The following RUNDC3B variants were observed in gnomAD, a reference collection of about 807,000 sequenced individuals.
The protein encoded by RUNDC3B is RUN domain-containing protein 3B.
A neutral mutation model predicts 58.4 loss-of-function variants in RUNDC3B; 33 were observed. That is an observed-to-expected ratio of 0.56 (90% CI 0.43 to 0.75). RUNDC3B has a LOEUF of 0.75. Among genes scored for constraint, RUNDC3B ranks in the 30% least tolerant of loss-of-function variants. The pLI is 0.00. For synonymous variants in RUNDC3B, 193 were observed against 195.2 expected, an observed-to-expected ratio of 0.99 and a Z score of 0.10; for missense variants, 501 against 535.7, an observed-to-expected ratio of 0.94 and a Z score of 0.64.
intron 2 of RUNDC3B, among the ~76,000 whole-genome samples, chr7:87,695,219 G>C (rs542867802): frequency 6.6e-6 from 1 of 152,040 alleles, no homozygotes; most frequent in African/African-American, 2.4e-5. Context: ...GTTAGAAAAT[G>C]GATCAGTGTC....
In RUNDC3B at chr7:87,679,471, C is replaced by A. The variant is rs776954020; in HGVS notation, c.239-20950C>A. Among the ~76,000 whole-genome samples, 7 of 149,906 alleles carry A rather than the reference C, an allele frequency of 4.7e-5. 1 individual carries two copies. Among genetic ancestry groups the A allele is most frequent in the Non-Finnish European group, 1.0e-4 (7 of 67,752 alleles). On this transcript the variant is annotated intron_variant, in intron 2 of 10. Coordinates refer to ENST00000394654, the MANE Select transcript of RUNDC3B (RefSeq NM_001134405.2). ...TGGCACAATCATGGCTCACCACAGC[C>A]TCCACATCCCCAAGCTCAAATGATT... is the stretch of plus-strand genomic sequence containing the variant.
chr7:87,751,129 A>C (rs905628357), intron 6 of RUNDC3B, among the ~76,000 whole-genome samples: 1 of 152,190 alleles, frequency 6.6e-6, no homozygotes, highest in Non-Finnish European at 1.5e-5. Flanking sequence ...CCATTTATTA[A>C]ATAGGGAATC....
Position 87,710,552 on chromosome 7 carries a change from C to A in RUNDC3B, c.373-18C>A. The stretch of plus-strand genomic sequence containing the variant: ...TTTTTAATTTTTTTTATATTTGATT[C>A]TTTCTTCTTCCTTTTAGGGTAGAGC... On this transcript the variant is annotated intron_variant, in intron 3 of 10. Transcript: ENST00000394654. 6.9e-7 allele frequency: 1 copy of A among 1,444,116 alleles called. No homozygotes were observed. Among genetic ancestry groups the A allele is most frequent in the Non-Finnish European group, 9.5e-7 (1 of 1,056,116 alleles). The allele number at this position is 1,444,116 out of a possible 1,614,324, so 89.5% of individuals were successfully genotyped here.
At chr7:87,630,752 GA>G (rs1339523968) in intron 1 of RUNDC3B, among the ~76,000 whole-genome samples, 2 of 149,748 alleles carry the variant, frequency 1.3e-5, no homozygotes, top group East Asian at 3.9e-4. Context: ...TTTATTGAAT[GA>G]ATAATTTCAG....
At chr7:87,749,180 T>G (rs1832817672) in intron 6 of RUNDC3B, among the ~76,000 whole-genome samples, 1 of 152,172 alleles carries the variant, frequency 6.6e-6, no homozygotes, top group Admixed American at 6.5e-5. Context: ...GGAAATGACT[T>G]AAAATACAAA....
rs552900116 is a variant in RUNDC3B at position 87,694,106 on chromosome 7, T to G, written c.239-6315T>G. On this transcript the variant is annotated intron_variant, in intron 2 of 10. Transcript: ENST00000394654. ...TTCTTTTTTGTGTGTTTTTGTTTTT[T>G]TTTTTTAATCCAGAGAGCACAAGTA... The G allele has an allele frequency of 2.9e-5, 42 of 1,451,710 alleles. 1 individual carries two copies. The highest frequency in any genetic ancestry group is 2.4e-4 in the Middle Eastern group (1 of 4,096). The allele number at this position is 1,451,710 out of a possible 1,614,324, so 89.9% of individuals were successfully genotyped here. A position where few individuals can be genotyped will look rare whatever the true frequency, so the allele number is the denominator to read the frequency against.
rs542540555 is a variant in RUNDC3B at position 87,736,804 on chromosome 7, ATATATT to A, written c.459-2975_459-2970del. On this transcript the variant is annotated intron_variant, in intron 4 of 10. Transcript: ENST00000394654. The stretch of plus-strand genomic sequence containing the variant: ...TTATACATATACATATATGTATTAT[ATATATT>A]TATATTTATATATGTTATATATATG... Among the ~76,000 whole-genome samples, 618 of 139,862 alleles carry A rather than the reference ATATATT, an allele frequency of 4.4e-3. 6 individuals are homozygous for A. The highest frequency in any genetic ancestry group is 0.015 in the African/African-American group (593 of 38,310). The allele number at this position is 139,862 out of a possible 152,430, so 91.8% of individuals were successfully genotyped here.
intron 4 of RUNDC3B, among the ~76,000 whole-genome samples, chr7:87,716,478 G>A (rs1397252732): frequency 1.3e-5 from 2 of 152,134 alleles, no homozygotes; most frequent in African/African-American, 2.4e-5. Context: ...TGTCTCCATT[G>A]CACCATATCA....
chr7:87,705,217 C>A (rs1829480540), intron 3 of RUNDC3B, among the ~76,000 whole-genome samples: 1 of 152,068 alleles, frequency 6.6e-6, no homozygotes, highest in African/African-American at 2.4e-5. Flanking sequence ...CTGAGGTCAG[C>A]AGTTCCAGAC....
At chr7:87,673,037 T>TA (rs1181232083) in intron 2 of RUNDC3B, among the ~76,000 whole-genome samples, 3 of 152,220 alleles carry the variant, frequency 2.0e-5, no homozygotes, top group African/African-American at 7.2e-5. Context: ...ATGCTGCATT[T>TA]AGGACCCCAA....
chr7:87,830,561 T>C lies in RUNDC3B; in HGVS notation c.*531T>C, dbSNP rs1188552422. 1.3e-5 allele frequency: 2 copies of C among 152,222 alleles called. No individual in the cohort carries two copies. Among genetic ancestry groups the C allele is most frequent in the Non-Finnish European group, 2.9e-5 (2 of 67,846 alleles). The allele number at this position is 152,222 out of a possible 1,614,324, so 9.4% of individuals were successfully genotyped here. On this transcript the variant is annotated 3_prime_UTR_variant, in exon 11 of 11. Coordinates refer to ENST00000394654, the MANE Select transcript of RUNDC3B (RefSeq NM_001134405.2). ...TCAGCTGCATTTTCACAGTGGCTTA[T>C]TCAGTTTTTCTTTAATATTTACCAT...
At chr7:87,665,044 A>G (rs764322761) in intron 2 of RUNDC3B, among the ~76,000 whole-genome samples, 2 of 152,148 alleles carry the variant, frequency 1.3e-5, no homozygotes, top group African/African-American at 2.4e-5. Flanking sequence ...AGAACATGAC[A>G]AGGGAATCCA....
intron 10 of RUNDC3B, among the ~76,000 whole-genome samples, chr7:87,819,532 C>T (rs1288237338): frequency 5.3e-5 from 8 of 150,474 alleles, no homozygotes; most frequent in Middle Eastern, 3.4e-3. Context: ...CTGCACCAAG[C>T]AGACCTAATA....
chr7:87,715,419 AT>A (rs914071681), intron 4 of RUNDC3B, among the ~76,000 whole-genome samples: 1 of 132,090 alleles, frequency 7.6e-6, no homozygotes, highest in Non-Finnish European at 1.6e-5. Flanking sequence ...AATATAATAT[AT>A]TTAATATATA....
chr7:87,813,764 G>T (rs1235777989), intron 9 of RUNDC3B, among the ~76,000 whole-genome samples: 1 of 152,048 alleles, frequency 6.6e-6, no homozygotes, highest in African/African-American at 2.4e-5. Context: ...AGGATCGTGA[G>T]GTCAGGAGAT....
chr7:87,802,148 T>A (rs1282613960), intron 8 of RUNDC3B, among the ~76,000 whole-genome samples: 1 of 152,164 alleles, frequency 6.6e-6, no homozygotes, highest in Non-Finnish European at 1.5e-5. Flanking sequence ...TCCCAGCACT[T>A]TGGGAGGCCA....
intron 1 of RUNDC3B, among the ~76,000 whole-genome samples, chr7:87,648,057 C>T (rs1190739020): frequency 1.3e-5 from 2 of 151,520 alleles, no homozygotes; most frequent in African/African-American, 4.8e-5. Flanking sequence ...TGGTGGTGGG[C>T]GCCTGTAGTC....
At chr7:87,703,991 G>T (rs546621995) in intron 3 of RUNDC3B, among the ~76,000 whole-genome samples, 39 of 118,520 alleles carry the variant, frequency 3.3e-4, no homozygotes, top group African/African-American at 1.2e-3. Flanking sequence ...TACGATCTCA[G>T]CTCACTGCAA....
At chr7:87,823,057 A>T (rs913847953) in intron 10 of RUNDC3B, among the ~76,000 whole-genome samples, 6 of 151,822 alleles carry the variant, frequency 4.0e-5, no homozygotes, top group African/African-American at 1.4e-4. Flanking sequence ...AATAAAATTA[A>T]AAAAAAAGAT....
Sources: allele counts gnomAD v4.1 joint callset (sites outside exome capture counted in the v4.1 genomes callset), GRCh38; gene constraint gnomAD v4.1.1; transcripts MANE v1.5; gene names NCBI Gene and HGNC (gene_info 2026-07-23, HGNC 2026-07-21).